The following MTPAP variants were observed in gnomAD, a reference collection of about 807,000 sequenced individuals.
MTPAP encodes mitochondrial poly(A) polymerase.
MTPAP carries 23 observed loss-of-function variants against 48.7 expected under a neutral mutation model. The ratio of observed to expected loss-of-function variants is 0.47; its 90% CI spans 0.34 to 0.67. MTPAP has a LOEUF of 0.67. Among genes scored for constraint, MTPAP ranks in the 30% least tolerant of loss-of-function variants. MTPAP has a pLI of 0.01. For synonymous variants in MTPAP, 257 were observed against 254.1 expected (o/e 1.01, Z -0.11); for missense variants, 614 against 694.3 (o/e 0.88, Z 1.30).
At chr10:30,346,755 T>C (rs1381050825) in intron 1 of MTPAP, among the ~76,000 whole-genome samples, 1 of 152,160 alleles carries the variant, frequency 6.6e-6, no homozygotes, top group African/African-American at 2.4e-5. Flanking sequence ...CTCTATGTGG[T>C]TGTGGTGGAA....
At chr10:30,320,385 T>C (rs990276395) in intron 6 of MTPAP, among the ~76,000 whole-genome samples, 1 of 151,876 alleles carries the variant, frequency 6.6e-6, no homozygotes, top group Non-Finnish European at 1.5e-5. Flanking sequence ...ATTAGCCAGG[T>C]ATGGTGGTGC....
Position 30,326,596 on chromosome 10 carries a change from C to A in MTPAP, c.820G>T (p.Val274Phe). Reference sequence around the variant, plus strand: ...TGAGTTGCAATTCTTTCTGAAGGAACATTTTTCACTTGAAATTCCATCAGA... The same window carrying A: ...TGAGTTGCAATTCTTTCTGAAGGAAAATTTTTCACTTGAAATTCCATCAGA... ...NFLMEFQVKN[V>F]PSERIATQKI... Residue 274 changes from valine to phenylalanine, a missense_variant, in exon 5 of 9, where the codon GTT (valine) becomes TTT (phenylalanine). Physicochemically the swap from Val to Phe is conservative, Grantham distance 50. Transcript: ENST00000263063. The A allele has an allele frequency of 6.2e-7, 1 of 1,614,040 alleles. No individual in the cohort carries two copies. Among genetic ancestry groups the A allele is most frequent in the Non-Finnish European group, 8.5e-7 (1 of 1,179,922 alleles).
At chr10:30,333,803 G>A (rs1178046105) in intron 4 of MTPAP, among the ~76,000 whole-genome samples, 2 of 152,122 alleles carry the variant, frequency 1.3e-5, no homozygotes, top group Non-Finnish European at 2.9e-5. Context: ...TCACACGGGT[G>A]AGGCAGGAGA....
In MTPAP at chr10:30,349,108, G is replaced by A. The variant is rs748899527; in HGVS notation, c.157+11C>T. The A allele has an allele frequency of 2.5e-6, 4 of 1,613,530 alleles. No individual in the cohort carries two copies. In the South Asian group the frequency reaches 3.3e-5, roughly 13 times the overall value. ...GTGGGACGGAACTACAGGGCAAACC[G>A]GCGCCATCACCTGTCTCCACGCTCC... On this transcript the variant is annotated intron_variant, in intron 1 of 8. Transcript: ENST00000263063.
In MTPAP at chr10:30,322,151, A is replaced by G. The variant is rs73252714; in HGVS notation, c.1219+240T>C. 3.8e-3 allele frequency among the ~76,000 whole-genome samples: 583 copies of G among 152,330 alleles called. 5 individuals carry two copies. The highest frequency in any genetic ancestry group is 0.013 in the African/African-American group (552 of 41,558). On this transcript the variant is annotated intron_variant, in intron 6 of 8. Transcript: ENST00000263063. ...GTCAACTAGGGGAGAAGCTCCAGCTATCTCACAACTGCTGTAAACAACCTT... is the reference window on the plus strand; with the variant it reads ...GTCAACTAGGGGAGAAGCTCCAGCTGTCTCACAACTGCTGTAAACAACCTT...
rs1434997592 is a variant in MTPAP at position 30,340,257 on chromosome 10, T to C, written c.524A>G (p.Gln175Arg). 1 of 1,614,022 alleles carries C rather than the reference T, an allele frequency of 6.2e-7. No individual in the cohort carries two copies. The highest frequency in any genetic ancestry group is 8.5e-7 in the Non-Finnish European group (1 of 1,179,966). The change falls in exon 3 of 9, where the codon CAG becomes CGG. Residue 175 changes from glutamine (Q) to arginine (R), a missense_variant. Coordinates refer to ENST00000263063, the MANE Select transcript of MTPAP (RefSeq NM_018109.4). ...TGCATAACAAAGTAATTCAAAAAGC[T>C]GCTTGTTTGAACGTGGCAACTGATT... ...SSNQLPRSNKQLFELLCYAES... is the reference protein window; with the variant it reads ...SSNQLPRSNKRLFELLCYAES...
At chr10:30,330,953 G>A (rs1834658902) in intron 4 of MTPAP, among the ~76,000 whole-genome samples, 1 of 152,176 alleles carries the variant, frequency 6.6e-6, no homozygotes, top group African/African-American at 2.4e-5. Flanking sequence ...CTCAGCAACA[G>A]ATAAATAGGT....
rs1248432055 is a variant in MTPAP, at chr10:30,334,024, T to G, written c.780+2779A>C. On this transcript the variant is annotated intron_variant, in intron 4 of 8. Coordinates refer to ENST00000263063, the MANE Select transcript of MTPAP (RefSeq NM_018109.4). ...GGTGAGCAAATTAAGTACACAGTAC[T>G]GTGGAATAAGTATATGAACAGACAT... Among the ~76,000 whole-genome samples, 6 of 152,184 alleles carry G rather than the reference T, an allele frequency of 3.9e-5. No individual in the cohort carries two copies. The East Asian group carries it at 1.2e-3, about 29-fold the overall frequency.
rs1270978719 is a variant in MTPAP at position 30,313,587 on chromosome 10, T to A, written c.*22A>T. 6.2e-7 allele frequency: 1 copy of A among 1,613,972 alleles called. No individual in the cohort carries two copies. The highest frequency in any genetic ancestry group is 1.3e-5 in the African/African-American group (1 of 74,956). On this transcript the variant is annotated 3_prime_UTR_variant, in exon 9 of 9. Transcript: ENST00000263063. ...GACCATTTGATAGGCTAAGCCCAGT[T>A]CTTTACACAATGTAGCAGCCATCAT...
intron 6 of MTPAP, among the ~76,000 whole-genome samples, chr10:30,317,139 A>G (rs1840672905): frequency 1.3e-5 from 2 of 152,208 alleles, no homozygotes; most frequent in Admixed American, 6.5e-5. Context: ...CAGTGAAATT[A>G]ACATTACATT....
In MTPAP at chr10:30,313,572, T is replaced by C; in HGVS notation, c.*37A>G. ...CCAAGTAAGTCCACAGACCATTTGA[T>C]AGGCTAAGCCCAGTTCTTTACACAA... On this transcript the variant is annotated 3_prime_UTR_variant, in exon 9 of 9. Coordinates refer to ENST00000263063, the MANE Select transcript of MTPAP (RefSeq NM_018109.4). 1 of 1,613,516 alleles carries C rather than the reference T, an allele frequency of 6.2e-7. No individual in the cohort carries two copies. The highest frequency in any genetic ancestry group is 1.1e-5 in the South Asian group (1 of 90,986).
At chr10:30,326,356 G>T in intron 5 of MTPAP, 68 bp downstream of exon 5, 1 of 1,378,600 alleles carries the variant, frequency 7.3e-7, no homozygotes, top group Non-Finnish European at 1.0e-6. Context: ...CACTGTTTCT[G>T]TGTGAGAAAC....
chr10:30,332,739 C>T (rs969108868), intron 4 of MTPAP, among the ~76,000 whole-genome samples: 2 of 152,160 alleles, frequency 1.3e-5, no homozygotes. Context: ...AATCTCAGCA[C>T]TTTGGGAGGC....
intron 3 of MTPAP, among the ~76,000 whole-genome samples, chr10:30,338,231 G>T (rs1205206726): frequency 6.6e-6 from 1 of 152,184 alleles, no homozygotes; most frequent in African/African-American, 2.4e-5. Flanking sequence ...CTGCACTCCA[G>T]CCTGGGCAAC....
intron 3 of MTPAP, among the ~76,000 whole-genome samples, chr10:30,337,919 C>G (rs975616043): frequency 6.6e-6 from 1 of 152,018 alleles, no homozygotes; most frequent in Non-Finnish European, 1.5e-5. Context: ...ACTGGAGTAT[C>G]TGAAGTGAAA....
intron 1 of MTPAP, among the ~76,000 whole-genome samples, chr10:30,342,560 A>G (rs1283451921): frequency 6.8e-6 from 1 of 148,062 alleles, no homozygotes; most frequent in African/African-American, 2.6e-5. Flanking sequence ...AAAAAAAAAA[A>G]CCAGGAAACT....
chr10:30,317,189 A>G (rs548927859), intron 6 of MTPAP, among the ~76,000 whole-genome samples: 111 of 152,304 alleles, frequency 7.3e-4, no homozygotes, highest in African/African-American at 2.5e-3. Flanking sequence ...CAACAACCCA[A>G]TGATTCCTAA....
chr10:30,325,819 TACAA>T (rs774625577), intron 5 of MTPAP, among the ~76,000 whole-genome samples: 8 of 127,170 alleles, frequency 6.3e-5, no homozygotes, highest in Non-Finnish European at 1.1e-4. Flanking sequence ...AAGTCATCAG[TACAA>T]AAGAACTTTT....
chr10:30,317,915 C>T (rs1408899047), intron 6 of MTPAP, among the ~76,000 whole-genome samples: 2 of 151,934 alleles, frequency 1.3e-5, no homozygotes, highest in African/African-American at 4.8e-5. Flanking sequence ...AGTGCAGTGG[C>T]GGCGTGACCT....
Sources: gnomAD v4.1 joint callset for allele counts (sites outside exome capture counted in the v4.1 genomes callset) on GRCh38, gnomAD v4.1.1 for gene constraint, MANE v1.5 for transcripts, NCBI Gene and HGNC (gene_info 2026-07-23, HGNC 2026-07-21) for gene names.